The following COP1 variants were observed in gnomAD, a reference collection of about 807,000 sequenced individuals.
The protein encoded by COP1 is COP1 E3 ubiquitin ligase, also known as E3 ubiquitin-protein ligase COP1.
A neutral mutation model predicts 101.3 loss-of-function variants in COP1; 24 were observed. That is an observed-to-expected ratio of 0.24 (90% CI 0.17 to 0.33). The LOEUF is 0.33. Ranked by LOEUF, COP1 falls within the 10% of genes least tolerant of loss-of-function variation. COP1 has a pLI of 1.00. For synonymous variants in COP1, 347 were observed against 341.9 expected, an observed-to-expected ratio of 1.01 and a Z score of -0.17; for missense variants, 663 against 906.2, an observed-to-expected ratio of 0.73 and a Z score of 3.45.
In COP1 at chr1:176,157,983, G is replaced by T. The variant is rs189135014; in HGVS notation, c.762+4886C>A. Among the ~76,000 whole-genome samples, 16 of 151,898 alleles carry T rather than the reference G, an allele frequency of 1.1e-4. No homozygotes were observed. The East Asian group carries it at 2.5e-3, about 24-fold the overall frequency. ...CTGGAATTCCCAAAGTGGAAGAGGG[G>T]ACATAAAAATATTTGAAGAAATAAT... On this transcript the variant is annotated intron_variant, in intron 5 of 19. Transcript: ENST00000367669.
chr1:176,114,313 G>C (rs1558136545), intron 9 of COP1, among the ~76,000 whole-genome samples: 1 of 151,896 alleles, frequency 6.6e-6, no homozygotes, highest in Non-Finnish European at 1.5e-5. Context: ...AAAAAGAATA[G>C]GCCAAATGCA....
chr1:175,949,150 T>C (rs1649540474), intron 18 of COP1, among the ~76,000 whole-genome samples: 1 of 96,550 alleles, frequency 1.0e-5, no homozygotes, highest in African/African-American at 4.3e-5. Flanking sequence ...CTGGAGAGAC[T>C]CCAGCAAGGC....
At chr1:176,087,112 G>A (rs1285232109) in intron 9 of COP1, among the ~76,000 whole-genome samples, 1 of 152,270 alleles carries the variant, frequency 6.6e-6, no homozygotes, top group South Asian at 2.1e-4. Context: ...ATTAATTTAA[G>A]ATGGATTAAA....
rs543297909 is a variant in COP1 at position 176,090,250 on chromosome 1, C to A, written c.1027-4360G>T. Among the ~76,000 whole-genome samples, 7 of 152,220 alleles carry A rather than the reference C, an allele frequency of 4.6e-5. No individual in the cohort carries two copies. The East Asian group carries it at 1.4e-3, about 29-fold the overall frequency. ...GCTGTCCTGCCTTTCCAGATCGAAT[C>A]AATGTAAACTTCCTAAGTAATGACA... On this transcript the variant is annotated intron_variant, in intron 9 of 19. Coordinates refer to ENST00000367669, the MANE Select transcript of COP1 (RefSeq NM_022457.7).
intron 18 of COP1, among the ~76,000 whole-genome samples, chr1:175,961,733 C>T (rs73035666): frequency 0.015 from 2,134 of 147,158 alleles, 60 homozygotes; most frequent in African/African-American, 0.05. Context: ...TATTATAGAG[C>T]TCAAAGGGGC....
Position 176,046,410 on chromosome 1 carries a change from T to C in COP1, c.1278-86A>G, listed in dbSNP as rs1408560517. ...TAATTCGGTCTACAAGGATAAAAGA[T>C]CTACTTTAAATACCTTCAAATTGTA... is the stretch of plus-strand genomic sequence containing the variant. On this transcript the variant is annotated intron_variant, in intron 11 of 19. Transcript: ENST00000367669. The C allele has an allele frequency of 4.7e-6, 6 of 1,274,340 alleles. No homozygotes were observed. In the Admixed American group the frequency reaches 1.5e-4, roughly 31 times the overall value. The allele number at this position is 1,274,340 out of a possible 1,614,324, so 78.9% of individuals were successfully genotyped here. A position where few individuals can be genotyped will look rare whatever the true frequency, so the allele number is the denominator to read the frequency against.
intron 8 of COP1, among the ~76,000 whole-genome samples, chr1:176,128,156 T>C (rs1173598327): frequency 6.6e-6 from 1 of 152,108 alleles, no homozygotes; most frequent in Admixed American, 6.6e-5. Context: ...GATTTACAAA[T>C]ATTTTCTCTC....
intron 8 of COP1, among the ~76,000 whole-genome samples, chr1:176,124,742 T>C (rs1212358965): frequency 6.6e-6 from 1 of 152,192 alleles, no homozygotes; most frequent in Non-Finnish European, 1.5e-5. Flanking sequence ...GGAATGCAGA[T>C]AACTCTTTCA....
Position 176,048,195 on chromosome 1 carries a change from CTTTTTTTT to C in COP1, c.1278-1879_1278-1872del, listed in dbSNP as rs10680105. 3.9e-5 allele frequency among the ~76,000 whole-genome samples: 5 copies of C among 126,622 alleles called. No homozygotes were observed. The Admixed American group carries it at 4.3e-4, about 11-fold the overall frequency. The allele number at this position is 126,622 out of a possible 152,430, so 83.1% of individuals were successfully genotyped here. On this transcript the variant is annotated intron_variant, in intron 11 of 19. Transcript: ENST00000367669. ...TATAATTTTTTAAAGAATTAAAATT[CTTTTTTTT>C]TTTTTTTTTTACAGAGATGGGGTCT... is the stretch of plus-strand genomic sequence containing the variant.
intron 9 of COP1, among the ~76,000 whole-genome samples, chr1:176,107,392 T>C (rs1049669723): frequency 2.0e-4 from 30 of 152,080 alleles, no homozygotes; most frequent in African/African-American, 6.3e-4. Flanking sequence ...CAGTACGGAA[T>C]GAAGCTGGAA....
Position 176,085,773 on chromosome 1 carries a change from T to C in COP1, c.1141+3A>G. ...GATAATTTGAGAAGGTCTAAATATA[T>C]ACCTGAGATACGAGACATCCTTGTA... On this transcript the variant is annotated splice_donor_region_variant and intron_variant, in intron 10 of 19. Coordinates refer to ENST00000367669, the MANE Select transcript of COP1 (RefSeq NM_022457.7). 2 of 1,515,526 alleles carry C rather than the reference T, an allele frequency of 1.3e-6. No homozygotes were observed. The highest frequency in any genetic ancestry group is 1.8e-6 in the Non-Finnish European group (2 of 1,095,252). 93.9% of individuals were successfully genotyped at this position (1,515,526 alleles called of 1,614,324 possible). A position where few individuals can be genotyped will look rare whatever the true frequency, so the allele number is the denominator to read the frequency against.
At chr1:176,002,786 T>C (rs1662054819) in intron 15 of COP1, among the ~76,000 whole-genome samples, 1 of 150,402 alleles carries the variant, frequency 6.6e-6, no homozygotes, top group East Asian at 1.9e-4. Context: ...TTCCAAGTCT[T>C]TGCTATTGTG....
intron 8 of COP1, among the ~76,000 whole-genome samples, chr1:176,128,415 A>G (rs2149685981): frequency 6.6e-6 from 1 of 152,126 alleles, no homozygotes; most frequent in East Asian, 1.9e-4. Context: ...TTCACAATCA[A>G]GATTCCTTAA....
At chr1:176,062,815 T>G (rs1433074131) in intron 11 of COP1, among the ~76,000 whole-genome samples, 2 of 152,126 alleles carry the variant, frequency 1.3e-5, no homozygotes, top group Non-Finnish European at 2.9e-5. Context: ...TACTACTCAA[T>G]AAGTAAATAA....
intron 1 of COP1, among the ~76,000 whole-genome samples, chr1:176,185,630 A>G (rs1698351612): frequency 6.6e-6 from 1 of 152,180 alleles, no homozygotes. Flanking sequence ...CTTCCTTACT[A>G]AAATTCTGAT....
At chr1:176,202,947 T>C (rs956304639) in intron 1 of COP1, among the ~76,000 whole-genome samples, 3 of 152,114 alleles carry the variant, frequency 2.0e-5, no homozygotes, top group Non-Finnish European at 4.4e-5. Flanking sequence ...GAAGAGAGAA[T>C]CTTAGTTTAA....
chr1:176,177,217 CCTTT>C (rs1187153797), intron 2 of COP1, among the ~76,000 whole-genome samples: 4 of 151,512 alleles, frequency 2.6e-5, no homozygotes, highest in Non-Finnish European at 5.9e-5. Context: ...GAAAATTTTC[CCTTT>C]CTTACATTAT....
In COP1 at chr1:176,207,019, G is replaced by A. The variant is rs1700936575; in HGVS notation, c.-41C>T. ...TCCAGCCGGGCGCTCGGAGGAGAGG[G>A]ACCGCGACCTCGACCCTCCGCCGCC... On this transcript the variant is annotated 5_prime_UTR_variant, in exon 1 of 20. Coordinates refer to ENST00000367669, the MANE Select transcript of COP1 (RefSeq NM_022457.7). The A allele has an allele frequency of 6.6e-6, 9 of 1,355,780 alleles. No individual in the cohort carries two copies. The highest frequency in any genetic ancestry group is 1.7e-5 in the South Asian group (1 of 59,684). The allele number at this position is 1,355,780 out of a possible 1,614,324, so 84.0% of individuals were successfully genotyped here. A position where few individuals can be genotyped will look rare whatever the true frequency, so the allele number is the denominator to read the frequency against.
intron 18 of COP1, among the ~76,000 whole-genome samples, chr1:175,948,460 T>A (rs1273177168): frequency 6.6e-6 from 1 of 152,204 alleles, no homozygotes; most frequent in Non-Finnish European, 1.5e-5. Flanking sequence ...TAGGATAGGA[T>A]CTACCTAAAT....
Sources: gnomAD v4.1 joint callset for allele counts (sites outside exome capture counted in the v4.1 genomes callset) on GRCh38, gnomAD v4.1.1 for gene constraint, MANE v1.5 for transcripts, NCBI Gene and HGNC (gene_info 2026-07-23, HGNC 2026-07-21) for gene names.